PRPSAP1: variants seen among roughly 807,000 people sequenced by gnomAD.
PRPSAP1 encodes phosphoribosyl pyrophosphate synthetase associated protein 1.
Under a neutral mutation model 39.4 loss-of-function variants are expected in PRPSAP1, and 31 were observed. That is an observed-to-expected ratio of 0.79 (90% CI 0.59 to 1.06). The LOEUF (loss-of-function observed/expected upper bound fraction) is 1.06. PRPSAP1 is among the 50% of genes least tolerant of loss of function. The pLI is 0.00. For synonymous variants in PRPSAP1, 212 were observed against 192.6 expected, an observed-to-expected ratio of 1.10 and a Z score of -0.83; for missense variants, 430 against 511.6, an observed-to-expected ratio of 0.84 and a Z score of 1.54.
At chr17:76,343,513 C>T (rs1040190386) in intron 3 of PRPSAP1, among the ~76,000 whole-genome samples, 1 of 152,216 alleles carries the variant, frequency 6.6e-6, no homozygotes, top group Non-Finnish European at 1.5e-5. Flanking sequence ...GGGGTCAGTG[C>T]AAACCATGGG....
intron 5 of PRPSAP1, 195 bp downstream of exon 5, chr17:76,330,355 GA>G (rs1244893792): frequency 1.8e-5 from 11 of 599,026 alleles, no homozygotes; most frequent in African/African-American, 3.7e-5. Context: ...AAGATACGTA[GA>G]AAAAAAATCT....
At chr17:76,324,160 G>A (rs955796965) in intron 7 of PRPSAP1, among the ~76,000 whole-genome samples, 2 of 147,384 alleles carry the variant, frequency 1.4e-5, no homozygotes, top group East Asian at 4.0e-4. Flanking sequence ...AAAAAAGAAA[G>A]TAGTTCTTTC....
chr17:76,352,516 G>A (rs558178197), intron 1 of PRPSAP1, among the ~76,000 whole-genome samples: 2 of 151,826 alleles, frequency 1.3e-5, no homozygotes, highest in Non-Finnish European at 1.5e-5. Flanking sequence ...GTGGTGGCGG[G>A]TGCCTGTAGT....
intron 6 of PRPSAP1, among the ~76,000 whole-genome samples, chr17:76,329,257 C>A (rs370211283): frequency 1.3e-5 from 2 of 151,912 alleles, no homozygotes; most frequent in Admixed American, 6.6e-5. Flanking sequence ...TTTGTAGAGA[C>A]GGGGTCTATG....
intron 3 of PRPSAP1, among the ~76,000 whole-genome samples, chr17:76,333,075 T>TAG (rs1421124142): frequency 1.3e-5 from 2 of 151,754 alleles, no homozygotes; most frequent in Non-Finnish European, 2.9e-5. Context: ...GTATTTTTAG[T>TAG]AGAGACGGGG....
chr17:76,329,311 G>A (rs1039244703), intron 6 of PRPSAP1, among the ~76,000 whole-genome samples: 11 of 152,188 alleles, frequency 7.2e-5, no homozygotes, highest in African/African-American at 1.9e-4. Flanking sequence ...GCGATCTCCC[G>A]CTTTGGCCTC....
chr17:76,311,449 G>C lies in PRPSAP1; in HGVS notation c.*93C>G. 7.2e-7 allele frequency: 1 copy of C among 1,390,144 alleles called. No homozygotes were observed. Among genetic ancestry groups the C allele is most frequent in the Non-Finnish European group, 9.7e-7 (1 of 1,033,390 alleles). The allele number at this position is 1,390,144 out of a possible 1,614,324, so 86.1% of individuals were successfully genotyped here. A position where few individuals can be genotyped will look rare whatever the true frequency, so the allele number is the denominator to read the frequency against. On this transcript the variant is annotated 3_prime_UTR_variant, in exon 10 of 10. Coordinates refer to ENST00000446526, the MANE Select transcript of PRPSAP1 (RefSeq NM_002766.3). ...AAGATATCTAACTCCAGGCTGTTTCGAGTCCTCCCTTGCAAGGAAACACTG... is the reference window on the plus strand; with the variant it reads ...AAGATATCTAACTCCAGGCTGTTTCCAGTCCTCCCTTGCAAGGAAACACTG...
chr17:76,318,457 G>C (rs543631470), intron 7 of PRPSAP1, among the ~76,000 whole-genome samples: 6 of 151,886 alleles, frequency 4.0e-5, no homozygotes, highest in Admixed American at 3.9e-4. Context: ...GAAAAAACAA[G>C]AATAGATTTG....
intron 7 of PRPSAP1, among the ~76,000 whole-genome samples, chr17:76,317,078 G>A (rs866902119): frequency 3.3e-5 from 5 of 152,240 alleles, no homozygotes; most frequent in Admixed American, 1.3e-4. Flanking sequence ...AAAAAGAGAT[G>A]AGTGGCTGGG....
At chr17:76,352,077 A>AT (rs2071581361) in intron 1 of PRPSAP1, among the ~76,000 whole-genome samples, 1 of 151,944 alleles carries the variant, frequency 6.6e-6, no homozygotes, top group Non-Finnish European at 1.5e-5. Flanking sequence ...AAAAAAAAAA[A>AT]CAAGCAGAGC....
At chr17:76,330,916 G>A (rs1407179240) in intron 4 of PRPSAP1, among the ~76,000 whole-genome samples, 6 of 152,160 alleles carry the variant, frequency 3.9e-5, no homozygotes, top group Non-Finnish European at 5.9e-5. Context: ...GCTTGGTCCA[G>A]AAAATTGAGA....
intron 1 of PRPSAP1, 101 bp from the exon 2 acceptor site, chr17:76,348,682 GCTGCCATT>G (rs2143551217): frequency 1.2e-6 from 1 of 865,462 alleles, no homozygotes; most frequent in East Asian, 3.3e-5. Flanking sequence ...AAATAATTAA[GCTGCCATT>G]CTTTCCAAAA....
intron 7 of PRPSAP1, among the ~76,000 whole-genome samples, chr17:76,320,376 A>C (rs1294763297): frequency 6.9e-6 from 1 of 144,506 alleles, no homozygotes; most frequent in Non-Finnish European, 1.5e-5. Flanking sequence ...AAAGGCAGGC[A>C]TACTTCATTT....
At chr17:76,354,069 T>C, upstream of PRPSAP1, 1 of 1,056,532 alleles carries the variant, frequency 9.5e-7, no homozygotes, top group Non-Finnish European at 1.1e-6. Context: ...CTTTGACCGC[T>C]TCCACGGGAG....
intron 3 of PRPSAP1, among the ~76,000 whole-genome samples, chr17:76,340,550 A>C (rs2071424566): frequency 6.6e-6 from 1 of 151,758 alleles, no homozygotes; most frequent in South Asian, 2.1e-4. Flanking sequence ...ACTTCGTATC[A>C]CAAAGGACAC....
intron 3 of PRPSAP1, among the ~76,000 whole-genome samples, chr17:76,344,276 C>T (rs895193500): frequency 2.6e-5 from 4 of 152,104 alleles, no homozygotes; most frequent in African/African-American, 7.2e-5. Context: ...TATAGGTGCC[C>T]GCCACCACGC....
At chr17:76,330,342 C>T (rs1598527764) in intron 5 of PRPSAP1, 6 of 598,768 alleles carry the variant, frequency 1.0e-5, no homozygotes, top group Admixed American at 3.2e-5. Flanking sequence ...AAGCAAATTG[C>T]TAAAGATACG....
intron 7 of PRPSAP1, among the ~76,000 whole-genome samples, chr17:76,320,897 T>G (rs1025142593): frequency 1.3e-5 from 2 of 151,682 alleles, no homozygotes; most frequent in African/African-American, 2.4e-5. Context: ...ACCTCCCATC[T>G]CAGCCTCCTG....
chr17:76,348,239 G>T (rs1218537383), intron 2 of PRPSAP1, among the ~76,000 whole-genome samples: 3 of 151,980 alleles, frequency 2.0e-5, no homozygotes, highest in Non-Finnish European at 4.4e-5. Flanking sequence ...TTGGGAGGCC[G>T]AGGCAATAGG....
Sources: gnomAD v4.1 joint callset for allele counts (sites outside exome capture counted in the v4.1 genomes callset) on GRCh38, gnomAD v4.1.1 for gene constraint, MANE v1.5 for transcripts, NCBI Gene and HGNC (gene_info 2026-07-23, HGNC 2026-07-21) for gene names.